TDRD3: variants seen among roughly 807,000 people sequenced by gnomAD.
TDRD3 encodes the protein tudor domain containing 3, also known as tudor domain-containing protein 3.
In TDRD3, 45 loss-of-function variants were observed where a neutral mutation model predicts 86.7. The ratio of observed to expected loss-of-function variants is 0.52; its 90% CI spans 0.41 to 0.67. TDRD3 has a LOEUF of 0.67. Among genes scored for constraint, TDRD3 ranks in the 30% least tolerant of loss-of-function variants. The pLI is 0.00. For missense variants in TDRD3, 814 were observed against 889.0 expected (o/e 0.92, Z 1.07); for synonymous variants, 298 against 301.7 (o/e 0.99, Z 0.13).
chr13:60,510,805 T>G (rs775766312), intron 10 of TDRD3, 50 bp downstream of exon 10: 3 of 1,338,312 alleles, frequency 2.2e-6, no homozygotes, highest in South Asian at 3.4e-5. Context: ...TTTCTTTCTT[T>G]TTTTTTTTTT....
At chr13:60,542,016 C>T (rs1051988254) in intron 12 of TDRD3, among the ~76,000 whole-genome samples, 9 of 151,952 alleles carry the variant, frequency 5.9e-5, no homozygotes, top group East Asian at 5.8e-4. Context: ...CGTGAGCCAC[C>T]GCACCTGGCC....
intron 12 of TDRD3, 149 bp downstream of exon 12, chr13:60,535,382 CA>C: frequency 1.3e-6 from 1 of 749,630 alleles, no homozygotes; most frequent in South Asian, 3.0e-5. Context: ...GATTTTAATT[CA>C]ATGCTTACAC....
intron 10 of TDRD3, among the ~76,000 whole-genome samples, chr13:60,524,148 G>C (rs948344813): frequency 2.0e-5 from 3 of 152,084 alleles, no homozygotes; most frequent in African/African-American, 7.2e-5. Flanking sequence ...TGAGAACTTA[G>C]AATCTGACTG....
chr13:60,509,601 C>A, intron 8 of TDRD3, 162 bp from the exon 9 acceptor site: 1 of 854,514 alleles, frequency 1.2e-6, no homozygotes, highest in Non-Finnish European at 1.8e-6. Flanking sequence ...ACAGATTCTT[C>A]CTTGCCTCTT....
intron 12 of TDRD3, among the ~76,000 whole-genome samples, chr13:60,552,980 G>C (rs759744342): frequency 6.6e-6 from 1 of 152,180 alleles, no homozygotes; most frequent in Non-Finnish European, 1.5e-5. Flanking sequence ...TCGGGCCTGT[G>C]ATGGAAGGGG....
intron 2 of TDRD3, among the ~76,000 whole-genome samples, chr13:60,443,190 A>G (rs1717491298): frequency 6.6e-6 from 1 of 152,020 alleles, no homozygotes; most frequent in African/African-American, 2.4e-5. Context: ...TGTGCAAGTC[A>G]TTATACTGAG....
chr13:60,474,597 A>G (rs1014944651), intron 5 of TDRD3, among the ~76,000 whole-genome samples: 1 of 152,204 alleles, frequency 6.6e-6, no homozygotes, highest in Non-Finnish European at 1.5e-5. Context: ...CTTTATGCGT[A>G]TTGTAAGACC....
chr13:60,397,326 C>T lies in TDRD3; in HGVS notation c.-39C>T. 2 of 1,320,496 alleles carry T rather than the reference C, an allele frequency of 1.5e-6. No homozygotes were observed. Among genetic ancestry groups the T allele is most frequent in the East Asian group, 2.8e-5 (1 of 35,210 alleles). The allele number at this position is 1,320,496 out of a possible 1,614,324, so 81.8% of individuals were successfully genotyped here. ...AAGTAGGAGGCCTCCCCATCACCCC[C>T]ACCCCAGCCCCCCACCACCCCCGGC... On this transcript the variant is annotated 5_prime_UTR_variant, in exon 1 of 14. Transcript: ENST00000377881.
chr13:60,404,931 T>C (rs999857875), intron 1 of TDRD3, among the ~76,000 whole-genome samples: 2 of 152,188 alleles, frequency 1.3e-5, no homozygotes, highest in Non-Finnish European at 2.9e-5. Flanking sequence ...AGTGAATGGG[T>C]CTCACAAGAT....
chr13:60,490,189 G>A (rs1011467807), intron 7 of TDRD3, among the ~76,000 whole-genome samples: 2 of 151,466 alleles, frequency 1.3e-5, no homozygotes, highest in African/African-American at 2.4e-5. Flanking sequence ...GGACTCAATC[G>A]ATGTAACTCA....
chr13:60,518,358 C>T (rs1331648960), intron 10 of TDRD3, among the ~76,000 whole-genome samples: 1 of 152,190 alleles, frequency 6.6e-6, no homozygotes, highest in Non-Finnish European at 1.5e-5. Flanking sequence ...GAGAGGGACA[C>T]ACTGTCCTCA....
Position 60,467,317 on chromosome 13 carries a change from T to A in TDRD3, c.433T>A (p.Ser145Thr), listed in dbSNP as rs776414600. The A allele has an allele frequency of 6.2e-7, 1 of 1,613,942 alleles. No homozygotes were observed. Among genetic ancestry groups the A allele is most frequent in the Non-Finnish European group, 8.5e-7 (1 of 1,179,894 alleles). The change falls in exon 5 of 14, where the codon TCT becomes ACT. Residue 145 changes from serine to threonine, a missense_variant. Physicochemically the swap from Ser to Thr is moderately conservative, Grantham distance 58. Transcript: ENST00000377881. ...AAATGGATTCCTGCTCTTGAATGAC[T>A]CTAACACCACAGTTCTTGGTGGTGA... ...IKNGFLLLND[S>T]NTTVLGGEVE...
intron 4 of TDRD3, among the ~76,000 whole-genome samples, chr13:60,463,081 G>A (rs576345249): frequency 6.6e-5 from 10 of 152,182 alleles, no homozygotes; most frequent in Admixed American, 2.6e-4. Context: ...TGAAATTCCC[G>A]TCTCTCACCA....
chr13:60,484,735 C>CT, intron 6 of TDRD3: 1 of 453,372 alleles, frequency 2.2e-6, no homozygotes, highest in Non-Finnish European at 4.4e-6. Flanking sequence ...GTGTGAAGTC[C>CT]TATGGTGTGA....
chr13:60,397,441 G>GT lies in TDRD3; in HGVS notation c.41+37dup, dbSNP rs1024203507. ...AGTCCCGCCGGCTGCCGGGCCGCGGGTGCGGGCCGGGGCCCCAGGGAGGTT... is the reference window on the plus strand; with the variant it reads ...AGTCCCGCCGGCTGCCGGGCCGCGGGTTGCGGGCCGGGGCCCCAGGGAGGTT... On this transcript the variant is annotated intron_variant, in intron 1 of 13. Coordinates refer to ENST00000377881, the MANE Select transcript of TDRD3 (RefSeq NM_001146070.2). 12 of 1,475,354 alleles carry GT rather than the reference G, an allele frequency of 8.1e-6. No homozygotes were observed. In the African/African-American group the frequency reaches 1.7e-4, roughly 21 times the overall value. 91.4% of individuals were successfully genotyped at this position (1,475,354 alleles called of 1,614,324 possible). A position where few individuals can be genotyped will look rare whatever the true frequency, so the allele number is the denominator to read the frequency against.
chr13:60,571,538 T>C (rs1015251904), intron 13 of TDRD3, among the ~76,000 whole-genome samples: 3 of 152,220 alleles, frequency 2.0e-5, no homozygotes, highest in Admixed American at 6.5e-5. Flanking sequence ...ATTATCACTT[T>C]TAAAAAACAT....
intron 3 of TDRD3, among the ~76,000 whole-genome samples, chr13:60,446,412 G>T (rs1341713741): frequency 6.6e-6 from 1 of 151,962 alleles, no homozygotes; most frequent in African/African-American, 2.4e-5. Flanking sequence ...TTTTTTAGTA[G>T]AGATGGATTT....
chr13:60,447,037 T>C (rs1439417078), intron 3 of TDRD3, among the ~76,000 whole-genome samples: 1 of 152,224 alleles, frequency 6.6e-6, no homozygotes, highest in African/African-American at 2.4e-5. Flanking sequence ...TCTGCCTATC[T>C]CTTGACCATG....
intron 1 of TDRD3, among the ~76,000 whole-genome samples, chr13:60,402,827 T>C (rs527735258): frequency 1.3e-5 from 2 of 152,014 alleles, no homozygotes; most frequent in African/African-American, 4.8e-5. Flanking sequence ...TAGGTAGGAT[T>C]ACAGGCATGC....
Sources: allele counts gnomAD v4.1 joint callset (sites outside exome capture counted in the v4.1 genomes callset), GRCh38; gene constraint gnomAD v4.1.1; transcripts MANE v1.5; gene names NCBI Gene and HGNC (gene_info 2026-07-23, HGNC 2026-07-21).